Variants in IGFL4 observed in about 807,000 individuals in gnomAD.
IGFL4 encodes the protein insulin growth factor-like family member 4.
A neutral mutation model predicts 15.4 loss-of-function variants in IGFL4; 12 were observed. The observed-to-expected ratio is 0.78, with a 90% CI of 0.50 to 1.26. The LOEUF is 1.26. Ranked by LOEUF, IGFL4 falls within the 50% of genes most tolerant of loss-of-function variation. IGFL4 has a pLI of 0.00. For synonymous variants in IGFL4, 54 were observed against 55.9 expected, an observed-to-expected ratio of 0.97 and a Z score of 0.16; for missense variants, 126 against 147.8, an observed-to-expected ratio of 0.85 and a Z score of 0.76.
At chr19:46,049,617 G>A (rs567566044) in intron 2 of IGFL4, among the ~76,000 whole-genome samples, 2 of 152,234 alleles carry the variant, frequency 1.3e-5, no homozygotes, top group South Asian at 2.1e-4. Context: ...GCCACAGCAA[G>A]TCCCCGCCAA....
upstream of IGFL4, among the ~76,000 whole-genome samples, chr19:46,043,254 A>G (rs1969264069): frequency 6.6e-6 from 1 of 152,242 alleles, no homozygotes; most frequent in Admixed American, 6.5e-5. Context: ...TGTAGAGGAT[A>G]TATATGCTTA....
intron 2 of IGFL4, among the ~76,000 whole-genome samples, chr19:46,055,191 C>G (rs569278233): frequency 2.0e-5 from 3 of 152,298 alleles, no homozygotes; most frequent in South Asian, 2.1e-4. Flanking sequence ...AAGTAACATG[C>G]CTTCCTGGGA....
chr19:46,043,046 C>T (rs939031131), upstream of IGFL4, among the ~76,000 whole-genome samples: 7 of 152,128 alleles, frequency 4.6e-5, no homozygotes, highest in Non-Finnish European at 1.0e-4. Flanking sequence ...GAGCCATTAC[C>T]GTAAACCTAC....
chr19:46,070,088 A>T (rs1169571225), intron 1 of IGFL4, among the ~76,000 whole-genome samples: 1 of 152,130 alleles, frequency 6.6e-6, no homozygotes, highest in East Asian at 1.9e-4. Flanking sequence ...TTTCTGCTTT[A>T]GTCTCCTATG....
At chr19:46,074,298 T>C (rs781484929) in intron 1 of IGFL4, among the ~76,000 whole-genome samples, 93 of 151,622 alleles carry the variant, frequency 6.1e-4, no homozygotes, top group South Asian at 1.9e-3. Context: ...TATATATATA[T>C]ACACACACAC....
chr19:46,044,364 C>G (rs1261023278), upstream of IGFL4, among the ~76,000 whole-genome samples: 3 of 152,138 alleles, frequency 2.0e-5, no homozygotes, highest in Non-Finnish European at 4.4e-5. Flanking sequence ...ATGAAGGGGG[C>G]TGAATCCAGA....
rs1452531878 is a variant in IGFL4, at chr19:46,040,825, T to G, written c.19+119A>C. On this transcript the variant is annotated intron_variant, in intron 1 of 3. Coordinates refer to ENST00000377697, the MANE Select transcript of IGFL4 (RefSeq NM_001002923.3). The surrounding 1 kb of genome is among the most constrained non-coding windows in gnomAD (Gnocchi z 4.1). ...GCAGTCACAGATGACATAGCAGTGA[T>G]TATGAGGTGGGACACCAATAATTAA... 28 of 1,027,522 alleles carry G rather than the reference T, an allele frequency of 2.7e-5. No individual in the cohort carries two copies. Among genetic ancestry groups the G allele is most frequent in the Non-Finnish European group, 3.9e-5 (26 of 673,640 alleles). The allele number at this position is 1,027,522 out of a possible 1,614,324, so 63.7% of individuals were successfully genotyped here.
At chr19:46,052,973 A>C (rs1969361216) in intron 2 of IGFL4, among the ~76,000 whole-genome samples, 1 of 151,358 alleles carries the variant, frequency 6.6e-6, no homozygotes, top group Non-Finnish European at 1.5e-5. Context: ...AAAGAAAAAA[A>C]AAAAAAAAAA....
At chr19:46,066,096 C>T (rs186355886) in intron 1 of IGFL4, among the ~76,000 whole-genome samples, 135 of 152,262 alleles carry the variant, frequency 8.9e-4, no homozygotes, top group Admixed American at 2.4e-3. Flanking sequence ...TCTGGTGAAG[C>T]GTGAGCTTGT....
chr19:46,039,903 C>G lies in IGFL4; in HGVS notation c.364G>C (p.Asp122His), dbSNP rs754336384. The part of the protein sequence containing the change: ...YHPKSPVSRS[D>H]LI ...TACCCCAGAACAGTCTAGATGAGGT[C>G]AGATCTTGACACAGGGCTTTTTGGG... is the stretch of plus-strand genomic sequence containing the variant. The change falls in exon 4 of 4, where the codon GAC becomes CAC. Residue 122 changes from aspartate to histidine, a missense_variant. By Grantham distance (81) the Asp-to-His change is moderately conservative. Transcript: ENST00000377697. The G allele has an allele frequency of 6.2e-7, 1 of 1,612,704 alleles. No individual in the cohort carries two copies. The highest frequency in any genetic ancestry group is 8.5e-7 in the Non-Finnish European group (1 of 1,178,856).
At chr19:46,053,147 A>G (rs1969363174) in intron 2 of IGFL4, among the ~76,000 whole-genome samples, 1 of 152,136 alleles carries the variant, frequency 6.6e-6, no homozygotes, top group Admixed American at 6.6e-5. Context: ...GGGGAATATT[A>G]GTCACTTACA....
chr19:46,074,092 C>T (rs914616050), intron 1 of IGFL4, among the ~76,000 whole-genome samples: 30 of 151,940 alleles, frequency 2.0e-4, no homozygotes, highest in African/African-American at 7.0e-4. Flanking sequence ...GATTTGCTTC[C>T]AGAATGGCTC....
upstream of IGFL4, among the ~76,000 whole-genome samples, chr19:46,077,543 C>A (rs2146534755): frequency 6.6e-6 from 1 of 152,358 alleles, no homozygotes. The surrounding 1 kb of genome is among the most constrained non-coding windows in gnomAD (Gnocchi z 5.4). Flanking sequence ...TTCCAAGTGT[C>A]CAGAGCGTCT....
At chr19:46,070,188 T>C (rs1299132187) in intron 1 of IGFL4, among the ~76,000 whole-genome samples, 2 of 151,584 alleles carry the variant, frequency 1.3e-5, no homozygotes, top group Non-Finnish European at 2.9e-5. Flanking sequence ...GAGGAATGCA[T>C]GTGTTCTTAG....
intron 1 of IGFL4, among the ~76,000 whole-genome samples, chr19:46,070,295 C>A (rs1354898676): frequency 6.6e-6 from 1 of 152,054 alleles, no homozygotes; most frequent in Non-Finnish European, 1.5e-5. Context: ...CTCTGAGAGT[C>A]CAACAGACTT....
At chr19:46,046,192 T>G (rs1206022180) in intron 2 of IGFL4, among the ~76,000 whole-genome samples, 1 of 152,128 alleles carries the variant, frequency 6.6e-6, no homozygotes, top group Non-Finnish European at 1.5e-5. Context: ...AAGGTCCTTT[T>G]CAGACAAGCA....
In IGFL4 at chr19:46,040,485, T is replaced by G; in HGVS notation, c.70+33A>C. On this transcript the variant is annotated intron_variant, in intron 2 of 3. Coordinates refer to ENST00000377697, the MANE Select transcript of IGFL4 (RefSeq NM_001002923.3). The surrounding 1 kb of genome is among the most constrained non-coding windows in gnomAD (Gnocchi z 4.1). ...ACCACCTCCCCACCAACCTTAATGC[T>G]GTTCTCTCCTCCCTCACTGCATCTG... 1 of 1,614,042 alleles carries G rather than the reference T, an allele frequency of 6.2e-7. No individual in the cohort carries two copies. The highest frequency in any genetic ancestry group is 8.5e-7 in the Non-Finnish European group (1 of 1,179,904).
chr19:46,040,765 T>C lies in IGFL4; in HGVS notation c.19+179A>G. The stretch of plus-strand genomic sequence containing the variant: ...GGGAGGGCTCTGGGAAAAGTTAAGC[T>C]TCTGGAATTTGCAGTTCAGGAGACA... On this transcript the variant is annotated intron_variant, in intron 1 of 3. Coordinates refer to ENST00000377697, the MANE Select transcript of IGFL4 (RefSeq NM_001002923.3). This position sits in a 1 kb window ranked among gnomAD's most constrained non-coding sequence, Gnocchi z 4.1. The C allele has an allele frequency of 5.3e-6, 5 of 946,106 alleles. No homozygotes were observed. Among genetic ancestry groups the C allele is most frequent in the Non-Finnish European group, 8.3e-6 (5 of 605,452 alleles). The allele number at this position is 946,106 out of a possible 1,614,324, so 58.6% of individuals were successfully genotyped here.
At chr19:46,071,134 G>GTT (rs79753851) in intron 1 of IGFL4, among the ~76,000 whole-genome samples, 15 of 144,136 alleles carry the variant, frequency 1.0e-4, no homozygotes, top group Non-Finnish European at 1.5e-4. Context: ...ACATGATCCT[G>GTT]TTTTTTTTTT....
Sources: allele counts gnomAD v4.1 joint callset (sites outside exome capture counted in the v4.1 genomes callset), GRCh38; gene constraint gnomAD v4.1.1; non-coding constraint Gnocchi (gnomAD v3.1); transcripts MANE v1.5; gene names NCBI Gene and HGNC (gene_info 2026-07-23, HGNC 2026-07-21).